The following CD2AP variants were observed in gnomAD, a reference collection of about 807,000 sequenced individuals.
CD2AP encodes CD2 associated protein, also known as CD2-associated protein.
In CD2AP, 46 loss-of-function variants were observed where a neutral mutation model predicts 85.1. The ratio of observed to expected loss-of-function variants is 0.54; its 90% CI spans 0.43 to 0.69. The LOEUF (loss-of-function observed/expected upper bound fraction) is 0.69. Ranked by LOEUF, CD2AP falls within the 30% of genes least tolerant of loss-of-function variation. The pLI is 0.00. For missense variants in CD2AP, 769 were observed against 729.5 expected, an observed-to-expected ratio of 1.05 and a Z score of -0.62; for synonymous variants, 255 against 252.9, an observed-to-expected ratio of 1.01 and a Z score of -0.08.
chr6:47,516,609 G>T (rs2114000968), intron 2 of CD2AP, among the ~76,000 whole-genome samples: 1 of 152,270 alleles, frequency 6.6e-6, no homozygotes, highest in Non-Finnish European at 1.5e-5. Context: ...ATTGAGAGAA[G>T]ATCCTGAATT....
intron 11 of CD2AP, among the ~76,000 whole-genome samples, chr6:47,584,403 G>T (rs934181599): frequency 3.3e-4 from 49 of 146,756 alleles, no homozygotes; most frequent in Non-Finnish European, 5.6e-4. Context: ...AAGTTGTAAG[G>T]TCATTGTCTA....
intron 3 of CD2AP, among the ~76,000 whole-genome samples, chr6:47,538,614 A>G (rs12196842): frequency 0.31 from 47,518 of 152,018 alleles, 8,565 homozygotes; most frequent in Middle Eastern, 0.51. Context: ...ACCTGAAGAT[A>G]TTTTTTTCCA....
intron 3 of CD2AP, 90 bp from the exon 4 acceptor site, chr6:47,544,516 T>G: frequency 1.2e-6 from 1 of 835,460 alleles, no homozygotes; most frequent in East Asian, 2.5e-5. Context: ...TTTATTTATA[T>G]AAGTCCTGTG....
At chr6:47,556,293 C>CATTTAT (rs1767686348) in intron 5 of CD2AP, among the ~76,000 whole-genome samples, 2 of 151,184 alleles carry the variant, frequency 1.3e-5, no homozygotes, top group Non-Finnish European at 2.9e-5. Flanking sequence ...GTTCACCTCC[C>CATTTAT]ATTTATGAAT....
At chr6:47,508,951 G>T (rs1766248556) in intron 2 of CD2AP, among the ~76,000 whole-genome samples, 1 of 152,108 alleles carries the variant, frequency 6.6e-6, no homozygotes, top group African/African-American at 2.4e-5. Flanking sequence ...TTGCAACTTG[G>T]CTGTTGGTGT....
chr6:47,622,550 G>C (rs1769783043), intron 17 of CD2AP, among the ~76,000 whole-genome samples: 1 of 152,086 alleles, frequency 6.6e-6, no homozygotes, highest in South Asian at 2.1e-4. Context: ...ATTTTGCTTG[G>C]CTCTCTAAAT....
chr6:47,505,893 G>C (rs9689834), intron 2 of CD2AP, among the ~76,000 whole-genome samples: 2 of 112,278 alleles, frequency 1.8e-5, no homozygotes, highest in South Asian at 6.3e-4. Context: ...CTGGCCGGGC[G>C]GGGGGCTGAC....
intron 5 of CD2AP, among the ~76,000 whole-genome samples, chr6:47,561,618 C>G (rs1431933876): frequency 1.3e-5 from 2 of 152,090 alleles, no homozygotes; most frequent in African/African-American, 2.4e-5. Context: ...CATACCTCTA[C>G]CCATATGTCT....
intron 3 of CD2AP, among the ~76,000 whole-genome samples, chr6:47,540,636 A>G (rs2114038279): frequency 6.6e-6 from 1 of 152,276 alleles, no homozygotes; most frequent in South Asian, 2.1e-4. Context: ...TGTGAGAGGA[A>G]GAAATAAAGC....
At chr6:47,526,665 T>G (rs1490809820) in intron 2 of CD2AP, among the ~76,000 whole-genome samples, 1 of 152,190 alleles carries the variant, frequency 6.6e-6, no homozygotes, top group Non-Finnish European at 1.5e-5. Context: ...GTATACAGTT[T>G]GTCTGTCTCC....
intron 3 of CD2AP, among the ~76,000 whole-genome samples, chr6:47,541,596 A>G (rs1436636435): frequency 6.6e-6 from 1 of 152,132 alleles, no homozygotes; most frequent in Admixed American, 6.6e-5. Context: ...TTTCCATGCT[A>G]TTGGTTGCAT....
intron 17 of CD2AP, among the ~76,000 whole-genome samples, chr6:47,622,749 C>T (rs963427530): frequency 6.6e-6 from 1 of 152,266 alleles, no homozygotes; most frequent in East Asian, 1.9e-4. Flanking sequence ...TCGGTCCTCT[C>T]GGGATTGCTG....
chr6:47,508,534 C>CTTTTT (rs374284567), intron 2 of CD2AP, among the ~76,000 whole-genome samples: 3 of 129,400 alleles, frequency 2.3e-5, no homozygotes, highest in Non-Finnish European at 4.8e-5. Flanking sequence ...TTCTTTCTTT[C>CTTTTT]TTTTTTTTTT....
chr6:47,581,399 G>A (rs1768476491), intron 10 of CD2AP, among the ~76,000 whole-genome samples: 1 of 152,058 alleles, frequency 6.6e-6, no homozygotes, highest in Non-Finnish European at 1.5e-5. Flanking sequence ...TCGAATAATT[G>A]ATCTTTACAA....
At chr6:47,521,245 C>T (rs1274677772) in intron 2 of CD2AP, among the ~76,000 whole-genome samples, 2 of 152,038 alleles carry the variant, frequency 1.3e-5, no homozygotes, top group Non-Finnish European at 2.9e-5. Flanking sequence ...TATAAAAGTT[C>T]TTTTCTATTA....
At chr6:47,607,241 G>C (rs1425019173) in intron 14 of CD2AP, among the ~76,000 whole-genome samples, 1 of 152,014 alleles carries the variant, frequency 6.6e-6, no homozygotes, top group African/African-American at 2.4e-5. Context: ...ATTCTTGGCT[G>C]TATTCTTGTG....
chr6:47,514,337 T>A (rs62410684), intron 2 of CD2AP, among the ~76,000 whole-genome samples: 38,167 of 152,070 alleles, frequency 0.25, 5,512 homozygotes, highest in East Asian at 0.6. Flanking sequence ...ACCTCATTAA[T>A]TTGTTATGTT....
intron 16 of CD2AP, 150 bp downstream of exon 16, chr6:47,609,454 A>G (rs1769366744): frequency 2.0e-6 from 1 of 495,808 alleles, no homozygotes; most frequent in Non-Finnish European, 3.8e-6. Flanking sequence ...AGTTTGGAGG[A>G]TTGCTTGAGT....
intron 3 of CD2AP, among the ~76,000 whole-genome samples, chr6:47,538,919 A>G (rs892726289): frequency 1.3e-5 from 2 of 152,234 alleles, no homozygotes; most frequent in Non-Finnish European, 1.5e-5. Context: ...CTGAGTCTGA[A>G]ATTTCACACA....
Sources: gnomAD v4.1 joint callset for allele counts (sites outside exome capture counted in the v4.1 genomes callset) on GRCh38, gnomAD v4.1.1 for gene constraint, MANE v1.5 for transcripts, NCBI Gene and HGNC (gene_info 2026-07-23, HGNC 2026-07-21) for gene names.